NDUFA5: variants seen among roughly 807,000 people sequenced by gnomAD.
The protein encoded by NDUFA5 is NADH dehydrogenase [ubiquinone] 1 alpha subcomplex subunit 5.
A neutral mutation model predicts 19.8 loss-of-function variants in NDUFA5; 11 were observed. The observed-to-expected ratio is 0.56, with a 90% CI of 0.35 to 0.92. The LOEUF (loss-of-function observed/expected upper bound fraction) is 0.92. Among genes scored for constraint, NDUFA5 ranks in the 40% least tolerant of loss-of-function variants. The pLI is 0.01. For synonymous variants in NDUFA5, 47 were observed against 46.8 expected (o/e 1.00, Z -0.01); for missense variants, 109 against 134.2 (o/e 0.81, Z 0.93).
chr7:123,542,253 A>C (rs759252636), intron 4 of NDUFA5, 33 bp from the exon 5 acceptor site: 5 of 1,494,246 alleles, frequency 3.3e-6, no homozygotes, highest in Non-Finnish European at 4.6e-6. Flanking sequence ...AGATCATTGG[A>C]TTTTACTCTT....
intron 3 of NDUFA5, among the ~76,000 whole-genome samples, chr7:123,549,776 T>C (rs961697320): frequency 1.3e-5 from 2 of 152,226 alleles, no homozygotes; most frequent in African/African-American, 4.8e-5. Flanking sequence ...AGACCCATCA[T>C]ATAATACAAT....
chr7:123,544,204 TAAA>T lies in NDUFA5; in HGVS notation c.249+1404_249+1406del, dbSNP rs773026953. ...TGTGGAACAACAAAATTTCACCAAA[TAAA>T]AAAAATTTGAGCTGGGCAGGGTGGC... is the stretch of plus-strand genomic sequence containing the variant. On this transcript the variant is annotated intron_variant, in intron 4 of 4. Coordinates refer to ENST00000355749, the MANE Select transcript of NDUFA5 (RefSeq NM_005000.5). Among the ~76,000 whole-genome samples, 83 of 151,912 alleles carry T rather than the reference TAAA, an allele frequency of 5.5e-4. 1 individual carries two copies. Among genetic ancestry groups the T allele is most frequent in the Non-Finnish European group, 1.0e-3 (69 of 67,908 alleles).
At chr7:123,567,356 T>C in the NDUFA5 span, among the ~76,000 whole-genome samples, 1 of 152,186 alleles carries the variant, frequency 6.6e-6, no homozygotes. Flanking sequence ...TGGGAAGTTC[T>C]GTAAATAAGG....
the NDUFA5 span, among the ~76,000 whole-genome samples, chr7:123,571,824 G>T: frequency 6.6e-6 from 1 of 151,912 alleles, no homozygotes; most frequent in African/African-American, 2.4e-5. Context: ...GAGTGCAGTG[G>T]CATGATCATG....
At chr7:123,578,665 C>T in the NDUFA5 span, among the ~76,000 whole-genome samples, 39 of 151,958 alleles carry the variant, frequency 2.6e-4, no homozygotes, top group African/African-American at 8.9e-4. Flanking sequence ...TGCTGTTTAC[C>T]ACAGCAATTT....
the NDUFA5 span, among the ~76,000 whole-genome samples, chr7:123,582,241 T>C: frequency 1.3e-5 from 2 of 151,740 alleles, no homozygotes; most frequent in African/African-American, 4.8e-5. Context: ...GTAACGTCCC[T>C]GTGGAAGGAA....
At chr7:123,560,557 C>T (rs1798676013), upstream of NDUFA5, among the ~76,000 whole-genome samples, 1 of 152,202 alleles carries the variant, frequency 6.6e-6, no homozygotes, top group Non-Finnish European at 1.5e-5. Context: ...GCTTAAACAA[C>T]AGAAATGTAT....
At chr7:123,595,582 C>T in the NDUFA5 span, among the ~76,000 whole-genome samples, 1 of 152,150 alleles carries the variant, frequency 6.6e-6, no homozygotes, top group Non-Finnish European at 1.5e-5. Flanking sequence ...TTCACCTCAC[C>T]TACTTAAATA....
chr7:123,539,607 A>G lies in NDUFA5; in HGVS notation c.*2512T>C, dbSNP rs1275133756. 1 of 152,228 alleles carries G rather than the reference A, an allele frequency of 6.6e-6. No individual in the cohort carries two copies. The highest frequency in any genetic ancestry group is 6.5e-5 in the Admixed American group (1 of 15,284). The allele number at this position is 152,228 out of a possible 1,614,324, so 9.4% of individuals were successfully genotyped here. On this transcript the variant is annotated 3_prime_UTR_variant, in exon 5 of 5. Coordinates refer to ENST00000355749, the MANE Select transcript of NDUFA5 (RefSeq NM_005000.5). ...ATCTCTGAATAAAAGAATCATTTGC[A>G]AAGTGATCAGGAGACTTAACCTGGA...
At chr7:123,548,396 T>C (rs1798212204) in intron 3 of NDUFA5, among the ~76,000 whole-genome samples, 1 of 152,072 alleles carries the variant, frequency 6.6e-6, no homozygotes, top group Admixed American at 6.6e-5. Flanking sequence ...GGAGACATAA[T>C]ACAGCATGAA....
the NDUFA5 span, among the ~76,000 whole-genome samples, chr7:123,600,865 C>A: frequency 7.2e-5 from 11 of 151,766 alleles, no homozygotes; most frequent in African/African-American, 2.4e-4. Flanking sequence ...AGAGATGAGA[C>A]GAAAAACAAA....
At chr7:123,594,325 G>A in the NDUFA5 span, among the ~76,000 whole-genome samples, 1 of 152,038 alleles carries the variant, frequency 6.6e-6, no homozygotes, top group South Asian at 2.1e-4. Context: ...TCCCTTGCTG[G>A]CAAGGAGTTG....
At chr7:123,565,192 C>T in the NDUFA5 span, among the ~76,000 whole-genome samples, 1 of 152,130 alleles carries the variant, frequency 6.6e-6, no homozygotes, top group South Asian at 2.1e-4. Context: ...GATGTCTCAG[C>T]TCAAACAGGG....
chr7:123,539,857 A>T lies in NDUFA5; in HGVS notation c.*2262T>A, dbSNP rs946263118. The T allele has an allele frequency of 5.3e-5, 8 of 152,234 alleles. No homozygotes were observed. The highest frequency in any genetic ancestry group is 1.9e-4 in the African/African-American group (8 of 41,458). The allele number at this position is 152,234 out of a possible 1,614,324, so 9.4% of individuals were successfully genotyped here. A position where few individuals can be genotyped will look rare whatever the true frequency, so the allele number is the denominator to read the frequency against. On this transcript the variant is annotated 3_prime_UTR_variant, in exon 5 of 5. Coordinates refer to ENST00000355749, the MANE Select transcript of NDUFA5 (RefSeq NM_005000.5). ...TTTGTTCTTTACAGATAATTTTGAC[A>T]GAAAAGGTAAAGAGAGCAGGATCTA...
chr7:123,569,288 T>G, the NDUFA5 span, among the ~76,000 whole-genome samples: 2 of 152,118 alleles, frequency 1.3e-5, no homozygotes, highest in African/African-American at 2.4e-5. Context: ...TTCTGGTAAA[T>G]TCATCTGGGA....
the NDUFA5 span, among the ~76,000 whole-genome samples, chr7:123,574,365 C>T: frequency 6.6e-6 from 1 of 152,108 alleles, no homozygotes; most frequent in East Asian, 1.9e-4. Context: ...TCGGAATCAC[C>T]TGAGGACTTG....
intron 4 of NDUFA5, among the ~76,000 whole-genome samples, chr7:123,543,773 A>C (rs958110276): frequency 3.9e-5 from 6 of 152,194 alleles, no homozygotes; most frequent in Non-Finnish European, 7.3e-5. Context: ...GAAAAGAGAA[A>C]TAGGTATAGG....
At chr7:123,556,504 C>A in intron 2 of NDUFA5, 1 of 169,936 alleles carries the variant, frequency 5.9e-6, no homozygotes, top group Non-Finnish European at 1.3e-5. Context: ...GAGAAATAAC[C>A]AGAAAAAGAG....
chr7:123,554,262 ATAAT>A (rs1798457623), intron 2 of NDUFA5, among the ~76,000 whole-genome samples: 2 of 152,332 alleles, frequency 1.3e-5, no homozygotes, highest in South Asian at 2.1e-4. Context: ...GGTAAATAAA[ATAAT>A]TAAATTTTAC....
Sources: gnomAD v4.1 joint callset for allele counts (sites outside exome capture counted in the v4.1 genomes callset) on GRCh38, gnomAD v4.1.1 for gene constraint, MANE v1.5 for transcripts, NCBI Gene and HGNC (gene_info 2026-07-23, HGNC 2026-07-21) for gene names.